PLD5: variants seen among roughly 807,000 people sequenced by gnomAD.
The protein encoded by PLD5 is phospholipase D family member 5.
A neutral mutation model predicts 61.1 loss-of-function variants in PLD5; 36 were observed. The ratio of observed to expected loss-of-function variants is 0.59; its 90% CI spans 0.45 to 0.78. PLD5 has a LOEUF of 0.78. PLD5 is among the 30% of genes least tolerant of loss of function. The pLI is 0.00. For synonymous variants in PLD5, 243 were observed against 242.8 expected, an observed-to-expected ratio of 1.00 and a Z score of -0.01; for missense variants, 515 against 644.4, an observed-to-expected ratio of 0.80 and a Z score of 2.17.
intron 5 of PLD5, among the ~76,000 whole-genome samples, chr1:242,161,344 A>G (rs1665810069): frequency 6.6e-6 from 1 of 152,110 alleles, no homozygotes; most frequent in South Asian, 2.1e-4. Flanking sequence ...CACTACCATG[A>G]GAACAGCATG....
chr1:242,461,671 CTT>C (rs1667122193), intron 1 of PLD5, among the ~76,000 whole-genome samples: 1 of 152,318 alleles, frequency 6.6e-6, no homozygotes, highest in Admixed American at 6.5e-5. Flanking sequence ...CGCCAGGCTG[CTT>C]CCCACGGTGG....
intron 1 of PLD5, among the ~76,000 whole-genome samples, chr1:242,448,078 A>G (rs1666622057): frequency 6.6e-6 from 1 of 152,150 alleles, no homozygotes; most frequent in East Asian, 1.9e-4. Context: ...GACTAAGGAG[A>G]AACAGTTTAT....
intron 3 of PLD5, among the ~76,000 whole-genome samples, chr1:242,269,515 C>G (rs1362909891): frequency 1.3e-5 from 2 of 151,016 alleles, no homozygotes; most frequent in Non-Finnish European, 3.0e-5. Context: ...AGGAATCAAA[C>G]TGATGAAAAA....
At chr1:242,493,778 A>G (rs1356763312) in intron 1 of PLD5, among the ~76,000 whole-genome samples, 2 of 152,156 alleles carry the variant, frequency 1.3e-5, no homozygotes, top group African/African-American at 2.4e-5. Context: ...GGTGCCGGGA[A>G]GGCTCCATGG....
At chr1:242,449,377 T>G in intron 1 of PLD5, 1 of 1,536,052 alleles carries the variant, frequency 6.5e-7, no homozygotes, top group Non-Finnish European at 8.7e-7. Context: ...CTTCCTTCCC[T>G]CCCTGCGGAG....
chr1:242,336,735 A>C (rs61847235), intron 2 of PLD5, among the ~76,000 whole-genome samples: 128,069 of 150,336 alleles, frequency 0.85, 55,506 homozygotes, highest in Non-Finnish European at 0.94. Context: ...TGTATATATT[A>C]GTTTTTCTAT....
intron 1 of PLD5, among the ~76,000 whole-genome samples, chr1:242,448,439 C>G (rs1666638543): frequency 6.6e-6 from 1 of 152,200 alleles, no homozygotes; most frequent in Non-Finnish European, 1.5e-5. Context: ...TTCAGGCATT[C>G]TCTCTCAACA....
chr1:242,189,546 C>T (rs183277201), intron 5 of PLD5, among the ~76,000 whole-genome samples: 6 of 151,220 alleles, frequency 4.0e-5, no homozygotes, highest in East Asian at 1.9e-4. Flanking sequence ...ATCTTCCATG[C>T]GTCACTGTTC....
intron 1 of PLD5, among the ~76,000 whole-genome samples, chr1:242,437,078 CA>C (rs542384140): frequency 1.3e-5 from 2 of 152,262 alleles, no homozygotes; most frequent in South Asian, 4.1e-4. Context: ...TTAGTCACTT[CA>C]CCTTCTGGGA....
chr1:242,381,265 G>A (rs1662259590), intron 1 of PLD5, among the ~76,000 whole-genome samples: 1 of 152,146 alleles, frequency 6.6e-6, no homozygotes, highest in Admixed American at 6.6e-5. Context: ...GAATGGAGCT[G>A]GAGGCCATTA....
intron 2 of PLD5, among the ~76,000 whole-genome samples, chr1:242,320,011 G>GA: frequency 6.6e-6 from 1 of 151,946 alleles, no homozygotes; most frequent in Non-Finnish European, 1.5e-5. Context: ...ATTCTCTTTG[G>GA]AAAAAAGCAC....
chr1:242,148,021 G>C (rs1664654153), intron 5 of PLD5, among the ~76,000 whole-genome samples: 1 of 151,956 alleles, frequency 6.6e-6, no homozygotes, highest in Non-Finnish European at 1.5e-5. Context: ...ACTTAATTTT[G>C]ATAAAATTCA....
At chr1:242,132,192 C>CGGCGGGGGG (rs57596101) in intron 5 of PLD5, among the ~76,000 whole-genome samples, 1 of 21,082 alleles carries the variant, frequency 4.7e-5, no homozygotes, top group African/African-American at 2.0e-4. Context: ...GCAGTGATTG[C>CGGCGGGGGG]GGGGGGGGGG....
At chr1:242,297,635 T>G (rs1257175974) in intron 2 of PLD5, among the ~76,000 whole-genome samples, 4,270 of 14,082 alleles carry the variant, frequency 0.3, 157 homozygotes, top group East Asian at 0.48. Context: ...TTTTTTTTTT[T>G]TTTTTTTTTT....
chr1:242,466,258 C>T (rs1202492225), intron 1 of PLD5, among the ~76,000 whole-genome samples: 1 of 152,124 alleles, frequency 6.6e-6, no homozygotes, highest in East Asian at 1.9e-4. Context: ...TGTTTTGTTG[C>T]CTGATGTATC....
chr1:242,126,155 A>T (rs12134702), intron 5 of PLD5, among the ~76,000 whole-genome samples: 1 of 152,062 alleles, frequency 6.6e-6, no homozygotes, highest in African/African-American at 2.4e-5. Flanking sequence ...CACTGCTGAA[A>T]GAATAGATGA....
chr1:242,410,421 T>C (rs116074259), intron 1 of PLD5, among the ~76,000 whole-genome samples: 7,284 of 148,708 alleles, frequency 0.049, 598 homozygotes, highest in African/African-American at 0.17. Context: ...ATTTTTTTTT[T>C]CCAATCTCTA....
At chr1:242,191,707 A>T (rs77427759) in intron 5 of PLD5, among the ~76,000 whole-genome samples, 3,678 of 152,268 alleles carry the variant, frequency 0.024, 163 homozygotes, top group African/African-American at 0.084. Context: ...GACAGATAGA[A>T]TGCTAGACGT....
At chr1:242,395,006 A>ATT (rs1663442733) in intron 1 of PLD5, among the ~76,000 whole-genome samples, 15 of 109,008 alleles carry the variant, frequency 1.4e-4, no homozygotes, top group Admixed American at 1.0e-3. Context: ...TGTATATATG[A>ATT]ATATATATGA....
Sources: allele counts gnomAD v4.1 joint callset (sites outside exome capture counted in the v4.1 genomes callset), GRCh38; gene constraint gnomAD v4.1.1; transcripts MANE v1.5; gene names NCBI Gene and HGNC (gene_info 2026-07-23, HGNC 2026-07-21).